Variants in SLC24A2 observed in about 807,000 individuals in gnomAD.
SLC24A2 encodes sodium/potassium/calcium exchanger 2.
A neutral mutation model predicts 62.0 loss-of-function variants in SLC24A2; 36 were observed. The observed-to-expected ratio is 0.58, with a 90% CI of 0.44 to 0.77. The LOEUF (loss-of-function observed/expected upper bound fraction) is 0.77. Ranked by LOEUF, SLC24A2 falls within the 30% of genes least tolerant of loss-of-function variation. The probability of loss-of-function intolerance (pLI) is 0.00; values close to 1 mark genes in which losing one functional copy is unlikely to be tolerated. For synonymous variants in SLC24A2, 358 were observed against 294.0 expected, an observed-to-expected ratio of 1.22 and a Z score of -2.23; for missense variants, 846 against 817.9, an observed-to-expected ratio of 1.03 and a Z score of -0.42.
chr9:19,748,257 T>G lies in SLC24A2; in HGVS notation c.930+37680A>C, dbSNP rs1182670. Among the ~76,000 whole-genome samples the G allele has an allele frequency of 1.4e-3, 212 of 152,324 alleles. 2 individuals are homozygous for G. Among genetic ancestry groups the G allele is most frequent in the African/African-American group, 4.8e-3 (199 of 41,584 alleles). On this transcript the variant is annotated intron_variant, in intron 2 of 10. Coordinates refer to ENST00000341998, the MANE Select transcript of SLC24A2 (RefSeq NM_020344.4). ...AGGAGAGCAGATCTGTGATTTCAGT[T>G]GCCTGAGTACTCCTATTAATACAAG...
chr9:19,717,953 T>A (rs558121385), intron 2 of SLC24A2, among the ~76,000 whole-genome samples: 16 of 151,256 alleles, frequency 1.1e-4, no homozygotes, highest in Middle Eastern at 6.8e-3. Flanking sequence ...AAGACAAATA[T>A]AATGGCTAGA....
At chr9:19,604,051 T>A (rs954683630) in intron 4 of SLC24A2, among the ~76,000 whole-genome samples, 1 of 152,268 alleles carries the variant, frequency 6.6e-6, no homozygotes, top group African/African-American at 2.4e-5. Flanking sequence ...TTTGTTAATT[T>A]CAGCACCCAG....
the SLC24A2 span, among the ~76,000 whole-genome samples, chr9:20,235,825 C>T: frequency 8.5e-5 from 13 of 152,318 alleles, no homozygotes; most frequent in African/African-American, 1.9e-4. Flanking sequence ...GTGTCGCTCA[C>T]GCTGGGAGCT....
At chr9:20,195,333 A>G in the SLC24A2 span, among the ~76,000 whole-genome samples, 12 of 152,202 alleles carry the variant, frequency 7.9e-5, no homozygotes, top group Admixed American at 7.9e-4. Flanking sequence ...GTGATTTAGG[A>G]GAATTTCTGA....
the SLC24A2 span, among the ~76,000 whole-genome samples, chr9:20,280,145 G>T: frequency 6.6e-6 from 1 of 152,226 alleles, no homozygotes; most frequent in African/African-American, 2.4e-5. Context: ...TATTAGGGGA[G>T]TGGGCTTGGG....
intron 2 of SLC24A2, among the ~76,000 whole-genome samples, chr9:19,703,936 A>C (rs1820431394): frequency 2.6e-5 from 4 of 152,228 alleles, no homozygotes; most frequent in African/African-American, 7.2e-5. Context: ...TCCTAAGGAA[A>C]TAATGATGGA....
At chr9:19,606,440 C>A (rs1210153841) in intron 4 of SLC24A2, among the ~76,000 whole-genome samples, 1 of 152,200 alleles carries the variant, frequency 6.6e-6, no homozygotes, top group African/African-American at 2.4e-5. Context: ...ACATAGGTTA[C>A]TGCAACTGCA....
the SLC24A2 span, among the ~76,000 whole-genome samples, chr9:19,986,661 C>A: frequency 6.6e-6 from 1 of 152,092 alleles, no homozygotes; most frequent in African/African-American, 2.4e-5. Flanking sequence ...GCCTAGAAAA[C>A]ACTACGTTAT....
chr9:19,969,751 T>C, the SLC24A2 span, among the ~76,000 whole-genome samples: 1 of 152,206 alleles, frequency 6.6e-6, no homozygotes, highest in Non-Finnish European at 1.5e-5. Flanking sequence ...TTACTTCAAA[T>C]ATTAAAGATC....
chr9:19,943,498 T>A, the SLC24A2 span, among the ~76,000 whole-genome samples: 6 of 152,180 alleles, frequency 3.9e-5, no homozygotes, highest in Non-Finnish European at 8.8e-5. Flanking sequence ...CAAGGCTTTT[T>A]AAAATTGTTT....
the SLC24A2 span, among the ~76,000 whole-genome samples, chr9:20,206,881 T>TGGG: frequency 4.8e-4 from 71 of 148,508 alleles, 1 homozygote; most frequent in East Asian, 6.7e-3. Flanking sequence ...AAAACTAAGT[T>TGGG]GGGGGGGGCG....
At chr9:20,272,416 C>T in the SLC24A2 span, among the ~76,000 whole-genome samples, 2 of 152,276 alleles carry the variant, frequency 1.3e-5, no homozygotes, top group East Asian at 3.9e-4. Flanking sequence ...AGCTCAGCCT[C>T]CCTAATTTTT....
the SLC24A2 span, among the ~76,000 whole-genome samples, chr9:20,210,968 A>G: frequency 6.6e-6 from 1 of 152,066 alleles, no homozygotes; most frequent in Non-Finnish European, 1.5e-5. Flanking sequence ...AACCTTTTGG[A>G]TCTAGACTGT....
intron 2 of SLC24A2, among the ~76,000 whole-genome samples, chr9:19,702,572 G>T (rs1039558895): frequency 6.6e-6 from 1 of 152,102 alleles, no homozygotes; most frequent in Admixed American, 6.5e-5. Context: ...CCCAGAACTG[G>T]TCTTTCAGTA....
the SLC24A2 span, among the ~76,000 whole-genome samples, chr9:20,033,884 C>A: frequency 6.6e-6 from 1 of 152,154 alleles, no homozygotes; most frequent in African/African-American, 2.4e-5. Flanking sequence ...AGGGAATAGC[C>A]ACCCTTTTAC....
rs1034116710 is a variant in SLC24A2, at chr9:19,594,249, C to T, written c.1129+2980G>A. On this transcript the variant is annotated intron_variant, in intron 5 of 10. Coordinates refer to ENST00000341998, the MANE Select transcript of SLC24A2 (RefSeq NM_020344.4). The stretch of plus-strand genomic sequence containing the variant: ...CAGTGATTGCCGTGTGTTATTTTTT[C>T]CCCCCAGTCTGTAAATTCCATGGGG... 5.9e-5 allele frequency among the ~76,000 whole-genome samples: 9 copies of T among 152,192 alleles called. No homozygotes were observed. In the South Asian group the frequency reaches 1.9e-3, roughly 32 times the overall value.
At chr9:19,548,793 C>T (rs546917690) in intron 8 of SLC24A2, among the ~76,000 whole-genome samples, 2 of 152,332 alleles carry the variant, frequency 1.3e-5, no homozygotes, top group South Asian at 2.1e-4. Flanking sequence ...ACTGGGACTT[C>T]TCTCATTGCT....
At chr9:19,999,017 C>G in the SLC24A2 span, among the ~76,000 whole-genome samples, 9 of 152,160 alleles carry the variant, frequency 5.9e-5, no homozygotes, top group Non-Finnish European at 1.3e-4. Context: ...TTGGGAAAGT[C>G]AATTATTTTC....
chr9:19,940,594 A>G, the SLC24A2 span, among the ~76,000 whole-genome samples: 1 of 151,902 alleles, frequency 6.6e-6, no homozygotes, highest in African/African-American at 2.4e-5. Flanking sequence ...GGCTTGTGGA[A>G]TCTGTTTTCC....
Sources: allele counts gnomAD v4.1 joint callset (sites outside exome capture counted in the v4.1 genomes callset), GRCh38; gene constraint gnomAD v4.1.1; transcripts MANE v1.5; gene names NCBI Gene and HGNC (gene_info 2026-07-23, HGNC 2026-07-21).